Variants in INPP4B observed in about 807,000 individuals in gnomAD.
The protein encoded by INPP4B is inositol polyphosphate 4-phosphatase type II.
In INPP4B, 55 loss-of-function variants were observed where a neutral mutation model predicts 122.5. The ratio of observed to expected loss-of-function variants is 0.45; its 90% CI spans 0.36 to 0.56. The LOEUF (loss-of-function observed/expected upper bound fraction) is 0.56. Ranked by LOEUF, INPP4B falls within the 20% of genes least tolerant of loss-of-function variation. The pLI, the probability that INPP4B is intolerant of heterozygous loss-of-function variation, is 0.00. For synonymous variants in INPP4B, 403 were observed against 388.7 expected, an observed-to-expected ratio of 1.04 and a Z score of -0.43; for missense variants, 1,000 against 1,097.7, an observed-to-expected ratio of 0.91 and a Z score of 1.26.
chr4:142,670,001 G>A (rs1560943372), intron 2 of INPP4B, among the ~76,000 whole-genome samples: 1 of 152,156 alleles, frequency 6.6e-6, no homozygotes, highest in Middle Eastern at 3.2e-3. Context: ...TCAGTAGCTG[G>A]TGGTCAAGTA....
chr4:142,843,417 T>G (rs1194756035), intron 1 of INPP4B, among the ~76,000 whole-genome samples: 1 of 151,910 alleles, frequency 6.6e-6, no homozygotes, highest in Non-Finnish European at 1.5e-5. Flanking sequence ...TCCTTAAGGC[T>G]TTAGAAAGAT....
At chr4:142,811,196 T>C (rs527608435) in intron 1 of INPP4B, among the ~76,000 whole-genome samples, 3 of 152,188 alleles carry the variant, frequency 2.0e-5, no homozygotes, top group African/African-American at 7.2e-5. Flanking sequence ...TGCATATATA[T>C]GCTCAGCACA....
At chr4:142,246,085 T>C (rs1456147264) in intron 11 of INPP4B, among the ~76,000 whole-genome samples, 1 of 147,014 alleles carries the variant, frequency 6.8e-6, no homozygotes, top group Non-Finnish European at 1.5e-5. Context: ...ACACATTATA[T>C]ATATGTGTGT....
intron 1 of INPP4B, among the ~76,000 whole-genome samples, chr4:142,795,909 C>T (rs1352619165): frequency 2.0e-5 from 3 of 151,954 alleles, no homozygotes; most frequent in East Asian, 3.9e-4. Context: ...TCCATAGTTG[C>T]TGTGTCAATT....
At position 142,425,524 on chromosome 4, in the gene INPP4B, A is replaced by G. The variant is rs533808424; in HGVS notation, c.136+3649T>C. Among the ~76,000 whole-genome samples, 17 of 152,036 alleles carry G rather than the reference A, an allele frequency of 1.1e-4. No individual in the cohort carries two copies. The South Asian group carries it at 3.5e-3, about 32-fold the overall frequency. On this transcript the variant is annotated intron_variant, in intron 5 of 25. Coordinates refer to ENST00000262992, the MANE Select transcript of INPP4B (RefSeq NM_001101669.3). ...ACCCTTCGATCCCAGTATTCCCATT[A>G]TAAGAACCCTATTATGTGTCATTTC...
At chr4:142,404,630 C>T (rs1166209273) in intron 6 of INPP4B, among the ~76,000 whole-genome samples, 1 of 152,010 alleles carries the variant, frequency 6.6e-6, no homozygotes, top group Non-Finnish European at 1.5e-5. Context: ...ATACTTTTTG[C>T]CTAAAAACAT....
intron 5 of INPP4B, among the ~76,000 whole-genome samples, chr4:142,422,983 G>C (rs1347230999): frequency 6.6e-6 from 1 of 152,048 alleles, no homozygotes; most frequent in Non-Finnish European, 1.5e-5. Flanking sequence ...TTTATCAATA[G>C]AATAAATGCA....
At chr4:142,318,431 T>C (rs530606167) in intron 7 of INPP4B, among the ~76,000 whole-genome samples, 25 of 152,226 alleles carry the variant, frequency 1.6e-4, no homozygotes, top group Admixed American at 1.1e-3. Flanking sequence ...ATTTGGAATA[T>C]TCTGGTTCAC....
chr4:142,068,612 G>A (rs568596684), intron 25 of INPP4B, among the ~76,000 whole-genome samples: 5 of 152,206 alleles, frequency 3.3e-5, no homozygotes, highest in South Asian at 2.1e-4. Context: ...ACACACATAG[G>A]CTCAAAATAA....
intron 12 of INPP4B, among the ~76,000 whole-genome samples, chr4:142,209,792 C>CAAAA (rs375306534): frequency 6.6e-4 from 26 of 39,440 alleles, no homozygotes; most frequent in African/African-American, 2.2e-3. Context: ...GACCCCGTCT[C>CAAAA]AAAAAAAAAA....
At chr4:142,113,549 G>T (rs924929758) in intron 21 of INPP4B, among the ~76,000 whole-genome samples, 194 of 151,986 alleles carry the variant, frequency 1.3e-3, no homozygotes, top group African/African-American at 4.3e-3. Flanking sequence ...AAACAGTGTG[G>T]ACCACTGACT....
chr4:142,111,435 C>T (rs2152700499), intron 22 of INPP4B, among the ~76,000 whole-genome samples: 1 of 152,154 alleles, frequency 6.6e-6, no homozygotes, highest in African/African-American at 2.4e-5. Context: ...CAACCTCTGC[C>T]TCCCCAGTTC....
intron 2 of INPP4B, among the ~76,000 whole-genome samples, chr4:142,507,412 G>A (rs1824166488): frequency 6.6e-6 from 1 of 152,076 alleles, no homozygotes; most frequent in Admixed American, 6.6e-5. Context: ...CTCCTGGGCA[G>A]GGGACTACTA....
intron 25 of INPP4B, among the ~76,000 whole-genome samples, chr4:142,041,946 C>T (rs1747867117): frequency 1.3e-5 from 2 of 152,300 alleles, no homozygotes; most frequent in Admixed American, 1.3e-4. Flanking sequence ...CACCTCAGAT[C>T]AGCTCTTCCC....
chr4:142,810,073 G>A (rs184866627), intron 1 of INPP4B, among the ~76,000 whole-genome samples: 2 of 151,628 alleles, frequency 1.3e-5, no homozygotes, highest in African/African-American at 4.9e-5. Flanking sequence ...GGGGGGCTGA[G>A]GCAGGAGAAT....
In INPP4B at chr4:142,081,954, T is replaced by C. The variant is rs1180078125; in HGVS notation, c.2642+77A>G. The C allele has an allele frequency of 1.8e-5, 19 of 1,038,278 alleles. No homozygotes were observed. In the East Asian group the frequency reaches 4.4e-4, roughly 24 times the overall value. 64.3% of individuals were successfully genotyped at this position (1,038,278 alleles called of 1,614,324 possible). On this transcript the variant is annotated intron_variant, in intron 25 of 25. Transcript: ENST00000262992. ...TAAAATATTTAGTCCTCCAATAAAA[T>C]ATGTATTTTGAAAAAAAAAATAAAA...
At chr4:142,492,756 C>A (rs1822042416) in intron 2 of INPP4B, among the ~76,000 whole-genome samples, 1 of 152,122 alleles carries the variant, frequency 6.6e-6, no homozygotes, top group Admixed American at 6.6e-5. Flanking sequence ...AAATTTGCAG[C>A]CTCAGGATGC....
chr4:142,574,500 T>C (rs1292643471), intron 2 of INPP4B, among the ~76,000 whole-genome samples: 1 of 152,048 alleles, frequency 6.6e-6, no homozygotes, highest in African/African-American at 2.4e-5. Flanking sequence ...CTTGAGTCAC[T>C]TTCAGCCTTA....
intron 1 of INPP4B, among the ~76,000 whole-genome samples, chr4:142,782,308 G>T (rs1186987083): frequency 6.6e-6 from 1 of 150,566 alleles, no homozygotes; most frequent in African/African-American, 2.4e-5. Context: ...CAAAGGACAT[G>T]AACTCATCAT....
Sources: allele counts gnomAD v4.1 joint callset (sites outside exome capture counted in the v4.1 genomes callset), GRCh38; gene constraint gnomAD v4.1.1; transcripts MANE v1.5; gene names NCBI Gene and HGNC (gene_info 2026-07-23, HGNC 2026-07-21).